Variants in SLC6A4 observed in about 807,000 individuals in gnomAD.
The protein encoded by SLC6A4 is solute carrier family 6 member 4, also known as sodium-dependent serotonin transporter.
Under a neutral mutation model 73.4 loss-of-function variants are expected in SLC6A4, and 22 were observed. The ratio of observed to expected loss-of-function variants is 0.30; its 90% CI spans 0.21 to 0.43. The LOEUF (loss-of-function observed/expected upper bound fraction) is 0.43, where lower values mean the gene tolerates loss of function less well. SLC6A4 is among the 20% of genes least tolerant of loss of function. The probability of loss-of-function intolerance (pLI) is 1.00; values close to 1 mark genes in which losing one functional copy is unlikely to be tolerated. For synonymous variants in SLC6A4, 270 were observed against 315.5 expected (o/e 0.86, Z 1.53); for missense variants, 593 against 808.5 (o/e 0.73, Z 3.23).
At position 30,220,624 on chromosome 17, in the gene SLC6A4, G is replaced by A. The variant is rs548524360; in HGVS notation, c.343+992C>T. On this transcript the variant is annotated intron_variant, in intron 3 of 14. Transcript: ENST00000650711. Reference sequence around the variant, plus strand: ...TAATTAAGATTTAGGACTTAACGCTGATGCCCTTCTCTGACCTCACACAGG... The same window carrying A: ...TAATTAAGATTTAGGACTTAACGCTAATGCCCTTCTCTGACCTCACACAGG... Among the ~76,000 whole-genome samples, 16 of 152,296 alleles carry A rather than the reference G, an allele frequency of 1.1e-4. No homozygotes were observed. In the South Asian group the frequency reaches 2.1e-3, roughly 20 times the overall value.
At chr17:30,231,624 G>A (rs1027922985) in intron 1 of SLC6A4, among the ~76,000 whole-genome samples, 1 of 152,036 alleles carries the variant, frequency 6.6e-6, no homozygotes, top group East Asian at 1.9e-4. Context: ...GAGTGACTTT[G>A]TACACAAATT....
intron 13 of SLC6A4, chr17:30,206,549 A>G (rs951117886): frequency 6.6e-6 from 1 of 152,148 alleles, no homozygotes; most frequent in African/African-American, 2.4e-5. Context: ...CTTGAAGAAG[A>G]TGCATACAAA....
At chr17:30,227,463 TTGTGTGTG>T (rs1476337880) in intron 1 of SLC6A4, among the ~76,000 whole-genome samples, 1 of 151,820 alleles carries the variant, frequency 6.6e-6, no homozygotes, top group African/African-American at 2.4e-5. Context: ...TTCTGTTCCT[TTGTGTGTG>T]TGTTTGTGTG....
At chr17:30,198,677 G>A in intron 14 of SLC6A4, 147 bp from the exon 15 acceptor site, 1 of 534,274 alleles carries the variant, frequency 1.9e-6, no homozygotes, top group East Asian at 3.1e-5. Flanking sequence ...ACATTCCTTA[G>A]GAAAAGAATT....
chr17:30,230,092 AGAAGAGGAG>A lies in SLC6A4; in HGVS notation c.-221+5512_-221+5520del, dbSNP rs1246836946. Among the ~76,000 whole-genome samples the A allele has an allele frequency of 5.1e-3, 673 of 131,586 alleles. 13 individuals carry two copies. The highest frequency in any genetic ancestry group is 5.2e-3 in the Non-Finnish European group (327 of 62,838). 86.3% of individuals were successfully genotyped at this position (131,586 alleles called of 152,430 possible). ...AAGAAGAAGAAGAAGAAGAAGAAGA[AGAAGAGGAG>A]GAAGAGGAAGAGGAAGAGGAAGAGG... On this transcript the variant is annotated intron_variant, in intron 1 of 14. Coordinates refer to ENST00000650711, the MANE Select transcript of SLC6A4 (RefSeq NM_001045.6).
rs192683406 is a variant in SLC6A4, at chr17:30,196,362, C to T, written c.*2094G>A. 20 of 149,940 alleles carry T rather than the reference C, an allele frequency of 1.3e-4. No individual in the cohort carries two copies. In the South Asian group the frequency reaches 2.3e-3, roughly 17 times the overall value. 9.3% of individuals were successfully genotyped at this position (149,940 alleles called of 1,614,324 possible). On this transcript the variant is annotated 3_prime_UTR_variant, in exon 15 of 15. Transcript: ENST00000650711. ...ACTATGCGGAACAGACAGAGATTTTCGATTTTTTTTTTTTAGTTTAATAAA... is the reference window on the plus strand; with the variant it reads ...ACTATGCGGAACAGACAGAGATTTTTGATTTTTTTTTTTTAGTTTAATAAA...
chr17:30,209,589 G>C (rs1434974666), intron 11 of SLC6A4, among the ~76,000 whole-genome samples: 3 of 150,294 alleles, frequency 2.0e-5, no homozygotes, highest in African/African-American at 7.4e-5. Flanking sequence ...AGGTTGCAGT[G>C]AGCTGAGATA....
intron 1 of SLC6A4, among the ~76,000 whole-genome samples, chr17:30,224,969 G>A (rs1418201974): frequency 2.0e-5 from 3 of 152,056 alleles, no homozygotes; most frequent in Non-Finnish European, 4.4e-5. Context: ...CATTACAGAG[G>A]TCTTGTTTCC....
chr17:30,226,268 G>A (rs1040471823), intron 1 of SLC6A4, among the ~76,000 whole-genome samples: 1 of 152,212 alleles, frequency 6.6e-6, no homozygotes, highest in African/African-American at 2.4e-5. Flanking sequence ...AAGTTCCCAG[G>A]GCATCTCCCA....
rs1906553450 is a variant in SLC6A4, at chr17:30,215,789, C to A, written c.973-75G>T. The A allele has an allele frequency of 2.0e-5, 25 of 1,279,686 alleles. No homozygotes were observed. The South Asian group carries it at 2.9e-4, about 15-fold the overall frequency. 79.3% of individuals were successfully genotyped at this position (1,279,686 alleles called of 1,614,324 possible). A position where few individuals can be genotyped will look rare whatever the true frequency, so the allele number is the denominator to read the frequency against. On this transcript the variant is annotated intron_variant, in intron 7 of 14. Coordinates refer to ENST00000650711, the MANE Select transcript of SLC6A4 (RefSeq NM_001045.6). ...TACCCTGGCACCAACAGGGTCGCCA[C>A]TCCTGCCTCCATGTGGCTAAGTGCA...
At position 30,212,516 on chromosome 17, in the gene SLC6A4, A is replaced by G. The variant is rs537451148; in HGVS notation, c.1204+224T>C. On this transcript the variant is annotated intron_variant, in intron 9 of 14. Coordinates refer to ENST00000650711, the MANE Select transcript of SLC6A4 (RefSeq NM_001045.6). ...ATCTTCCCACCTCAGCCTCCTGAGT[A>G]GCTGGGACTATAGGTGTGCACTACC... Among the ~76,000 whole-genome samples the G allele has an allele frequency of 2.6e-5, 4 of 152,296 alleles. No individual in the cohort carries two copies. In the East Asian group the frequency reaches 5.8e-4, roughly 22 times the overall value.
At chr17:30,208,742 A>G (rs193006032) in intron 12 of SLC6A4, among the ~76,000 whole-genome samples, 11 of 152,284 alleles carry the variant, frequency 7.2e-5, no homozygotes, top group African/African-American at 2.6e-4. Flanking sequence ...TCCAGACTGG[A>G]GTGCAGTGGC....
chr17:30,210,166 C>T (rs1437949323), intron 11 of SLC6A4, among the ~76,000 whole-genome samples: 1 of 151,588 alleles, frequency 6.6e-6, no homozygotes, highest in Non-Finnish European at 1.5e-5. Context: ...ACACACATGA[C>T]GTGAAGAACG....
At chr17:30,229,047 G>A (rs1205740626) in intron 1 of SLC6A4, among the ~76,000 whole-genome samples, 1 of 152,182 alleles carries the variant, frequency 6.6e-6, no homozygotes, top group African/African-American at 2.4e-5. Flanking sequence ...AATGGGATCA[G>A]GGTTCTATTC....
chr17:30,199,668 T>C (rs1259889807), intron 14 of SLC6A4, among the ~76,000 whole-genome samples: 1 of 152,188 alleles, frequency 6.6e-6, no homozygotes, highest in Non-Finnish European at 1.5e-5. Context: ...CCTTAGTATC[T>C]GTGTACTGAA....
At chr17:30,199,718 G>C (rs1423480924) in intron 14 of SLC6A4, among the ~76,000 whole-genome samples, 1 of 152,088 alleles carries the variant, frequency 6.6e-6, no homozygotes, top group African/African-American at 2.4e-5. Flanking sequence ...AGTCATTGCA[G>C]GGAGTTTAAA....
chr17:30,223,629 T>C (rs1402254179), intron 1 of SLC6A4, among the ~76,000 whole-genome samples: 2 of 152,158 alleles, frequency 1.3e-5, no homozygotes, highest in African/African-American at 2.4e-5. Context: ...TTGCCAAAAA[T>C]ATCTACAGCA....
chr17:30,222,782 C>T (rs1179115000), intron 2 of SLC6A4, 37 bp downstream of exon 2: 1 of 1,304,260 alleles, frequency 7.7e-7, no homozygotes, highest in Non-Finnish European at 1.0e-6. Flanking sequence ...TATGCATTTG[C>T]AAGCCCGACT....
intron 1 of SLC6A4, among the ~76,000 whole-genome samples, chr17:30,233,873 C>T (rs926410215): frequency 6.6e-6 from 1 of 152,124 alleles, no homozygotes; most frequent in Non-Finnish European, 1.5e-5. Context: ...ACCATTCATT[C>T]CACAACTAGG....
Sources: allele counts gnomAD v4.1 joint callset (sites outside exome capture counted in the v4.1 genomes callset), GRCh38; gene constraint gnomAD v4.1.1; transcripts MANE v1.5; gene names NCBI Gene and HGNC (gene_info 2026-07-23, HGNC 2026-07-21).